The following CENPS variants were observed in gnomAD, a reference collection of about 807,000 sequenced individuals.
The protein encoded by CENPS is centromere protein S.
CENPS carries 16 observed loss-of-function variants against 17.9 expected under a neutral mutation model. That is an observed-to-expected ratio of 0.90 (90% confidence interval 0.61 to 1.36). The LOEUF (loss-of-function observed/expected upper bound fraction) is 1.36. Ranked by LOEUF, CENPS falls within the 40% of genes most tolerant of loss-of-function variation. The pLI is 0.00. For missense variants in CENPS, 160 were observed against 158.6 expected (o/e 1.01, Z -0.05); for synonymous variants, 49 against 55.8 (o/e 0.88, Z 0.54).
chr1:10,441,545 C>T (rs1357241387), intron 4 of CENPS, among the ~76,000 whole-genome samples: 1 of 150,738 alleles, frequency 6.6e-6, no homozygotes, highest in Non-Finnish European at 1.5e-5. Context: ...AACTCCTGGG[C>T]TCAAATGATC....
chr1:10,430,463 C>T lies in CENPS; in HGVS notation c.-55C>T. ...GCGGCGGGAAAATCCGACCTGGCCG[C>T]GCACCACCGCCCCTTCTCGGCCCTC... On this transcript the variant is annotated 5_prime_UTR_variant, in exon 1 of 5. Coordinates refer to ENST00000309048, the MANE Select transcript of CENPS (RefSeq NM_199294.3). 6.6e-7 allele frequency: 1 copy of T among 1,526,368 alleles called. No homozygotes were observed. The highest frequency in any genetic ancestry group is 2.0e-5 in the Admixed American group (1 of 48,942). The allele number at this position is 1,526,368 out of a possible 1,614,324, so 94.6% of individuals were successfully genotyped here.
In CENPS at chr1:10,434,671, G is replaced by A; in HGVS notation, c.190G>A (p.Asp64Asn). Residue 64 changes from aspartate (D) to asparagine (N), a missense_variant, in exon 3 of 5, where the codon GAC becomes AAC. Transcript: ENST00000309048. ...TFRQCENFAK[D>N]LEMFARHAKR... is the part of the protein sequence containing the mutation. ...TTCTCTTTCAGAAAATTTTGCCAAA[G>A]ACCTTGAAATGTTTGCAAGGTGGGT... is the stretch of plus-strand genomic sequence containing the variant. The A allele has an allele frequency of 6.2e-7, 1 of 1,607,108 alleles. No individual in the cohort carries two copies. The highest frequency in any genetic ancestry group is 8.5e-7 in the Non-Finnish European group (1 of 1,178,224).
Position 10,433,862 on chromosome 1 carries a change from C to T in CENPS, c.72C>T (p.His24=), listed in dbSNP as rs540291030. Residue 24 remains histidine, a synonymous_variant, in exon 2 of 5, where the codon CAC becomes CAT. Transcript: ENST00000309048. ...SYQQRLKAAV[H]YTVGCLCEEV... ...CCCAGAGGCTAAAGGCAGCAGTTCA[C>T]TATACTGTGGGTTGTCTTTGCGAGG... The T allele has an allele frequency of 6.2e-7, 1 of 1,614,204 alleles. No individual in the cohort carries two copies. Among genetic ancestry groups the T allele is most frequent in the Middle Eastern group, 1.6e-4 (1 of 6,062 alleles).
At position 10,435,710 on chromosome 1, in the gene CENPS, T is replaced by TACACACACAC. The variant is rs778086497; in HGVS notation, c.209+1021_209+1022insCACACACACA. ...TTTAAATACTTAAAAATAATATATA[T>TACACACACAC]ATATATACACACACACACACACACA... On this transcript the variant is annotated intron_variant, in intron 3 of 4. Coordinates refer to ENST00000309048, the MANE Select transcript of CENPS (RefSeq NM_199294.3). Among the ~76,000 whole-genome samples, 579 of 143,530 alleles carry TACACACACAC rather than the reference T, an allele frequency of 4.0e-3. 7 individuals carry two copies. Among genetic ancestry groups the TACACACACAC allele is most frequent in the African/African-American group, 0.014 (548 of 38,368 alleles). 94.2% of individuals were successfully genotyped at this position (143,530 alleles called of 152,430 possible).
At chr1:10,430,656 C>T (rs1017579802) in intron 1 of CENPS, 88 bp downstream of exon 1, 22 of 1,466,696 alleles carry the variant, frequency 1.5e-5, no homozygotes, top group Non-Finnish European at 1.9e-5. Context: ...CCGGCGGCTT[C>T]TCATCGGCAC....
intron 3 of CENPS, among the ~76,000 whole-genome samples, chr1:10,438,579 G>T (rs543191010): frequency 6.6e-6 from 1 of 152,176 alleles, no homozygotes; most frequent in Non-Finnish European, 1.5e-5. Flanking sequence ...TTTAAAGCCC[G>T]TGTTACAAAG....
intron 1 of CENPS, 149 bp from the exon 2 acceptor site, chr1:10,433,693 A>C (rs1300725591): frequency 2.1e-6 from 3 of 1,428,102 alleles, no homozygotes; most frequent in Non-Finnish European, 2.8e-6. Context: ...TCATTAACTT[A>C]TTAGTACACT....
intron 1 of CENPS, among the ~76,000 whole-genome samples, chr1:10,431,580 G>T (rs1639916178): frequency 6.6e-6 from 1 of 152,136 alleles, no homozygotes; most frequent in East Asian, 1.9e-4. Context: ...CATTGGCTGG[G>T]CGCGGTGGCT....
At chr1:10,437,483 G>T (rs1454685351) in intron 3 of CENPS, among the ~76,000 whole-genome samples, 1 of 63,060 alleles carries the variant, frequency 1.6e-5, no homozygotes, top group African/African-American at 5.7e-5. Flanking sequence ...TTTAGATGGA[G>T]TCTCACTCTG....
rs145815292 is a variant in CENPS, at chr1:10,432,751, C to T, written c.52-1091C>T. 6.6e-3 allele frequency among the ~76,000 whole-genome samples: 1,002 copies of T among 152,178 alleles called. 14 individuals carry two copies. Among genetic ancestry groups the T allele is most frequent in the African/African-American group, 0.023 (950 of 41,510 alleles). On this transcript the variant is annotated intron_variant, in intron 1 of 4. Coordinates refer to ENST00000309048, the MANE Select transcript of CENPS (RefSeq NM_199294.3). The stretch of plus-strand genomic sequence containing the variant: ...ATACCTAAAAAAGATGACCTTGAGC[C>T]GGGCAGGGTGTTGTGGGCCTGTAGT...
In CENPS at chr1:10,433,904, A is replaced by G. The variant is rs1640034496; in HGVS notation, c.114A>G (p.Lys38=). 1.2e-6 allele frequency: 2 copies of G among 1,614,124 alleles called. No individual in the cohort carries two copies. Among genetic ancestry groups the G allele is most frequent in the Non-Finnish European group, 1.7e-6 (2 of 1,180,044 alleles). ...TTTGCGAGGAAGTTGCATTGGACAA[A>G]GAGATGCAGTTCAGCAAACAGACCA... ...GCLCEEVALD[K]EMQFSKQTIA... is the part of the protein sequence containing the mutation. Residue 38 remains lysine, a synonymous_variant, in exon 2 of 5, where the codon AAA becomes AAG. Transcript: ENST00000309048.
intron 4 of CENPS, among the ~76,000 whole-genome samples, chr1:10,441,187 T>C (rs1327980452): frequency 6.6e-6 from 1 of 152,168 alleles, no homozygotes; most frequent in Non-Finnish European, 1.5e-5. Flanking sequence ...CAACTTTTTT[T>C]TTCTTTTTTT....
chr1:10,434,051 C>T (rs748333048), intron 2 of CENPS, 86 bp downstream of exon 2: 51 of 1,577,652 alleles, frequency 3.2e-5, no homozygotes, highest in Non-Finnish European at 4.3e-5. Context: ...GGAGCTGTGG[C>T]GAGTCTGACC....
chr1:10,436,779 G>A (rs750992429), intron 3 of CENPS, among the ~76,000 whole-genome samples: 39 of 151,816 alleles, frequency 2.6e-4, no homozygotes, highest in Middle Eastern at 3.2e-3. Context: ...CTGAGTGAGT[G>A]CAGAGTCCAG....
intron 1 of CENPS, among the ~76,000 whole-genome samples, chr1:10,431,556 T>C (rs535891526): frequency 6.6e-6 from 1 of 152,200 alleles, no homozygotes; most frequent in African/African-American, 2.4e-5. Context: ...AGTACACATC[T>C]CCCAAAAACA....
At position 10,436,012 on chromosome 1, in the gene CENPS, C is replaced by T. The variant is rs1396462679; in HGVS notation, c.209+1322C>T. On this transcript the variant is annotated intron_variant, in intron 3 of 4. Coordinates refer to ENST00000309048, the MANE Select transcript of CENPS (RefSeq NM_199294.3). ...TTTTTTTTTTGGAGACAGAGTCTCACTCTCGCCCAGGCGGGAGTGCAGTGG... is the reference window on the plus strand; with the variant it reads ...TTTTTTTTTTGGAGACAGAGTCTCATTCTCGCCCAGGCGGGAGTGCAGTGG... Among the ~76,000 whole-genome samples the T allele has an allele frequency of 5.4e-5, 8 of 149,042 alleles. No individual in the cohort carries two copies. In the East Asian group the frequency reaches 1.4e-3, roughly 26 times the overall value.
In CENPS at chr1:10,442,487, G is replaced by A; in HGVS notation, c.*82G>A. 2 of 1,400,106 alleles carry A rather than the reference G, an allele frequency of 1.4e-6. No individual in the cohort carries two copies. The highest frequency in any genetic ancestry group is 4.0e-5 in the South Asian group (2 of 49,518). The allele number at this position is 1,400,106 out of a possible 1,614,324, so 86.7% of individuals were successfully genotyped here. The stretch of plus-strand genomic sequence containing the variant: ...ATATGGCTGCAAAGGAAACTTTGAA[G>A]GGTTAAATAGAGATTTAAAAAAATA... On this transcript the variant is annotated 3_prime_UTR_variant, in exon 5 of 5. Transcript: ENST00000309048.
intron 1 of CENPS, 55 bp downstream of exon 1, chr1:10,430,623 GACAGAAAAGT>G (rs1639857617): frequency 1.3e-6 from 2 of 1,516,146 alleles, no homozygotes; most frequent in African/African-American, 1.4e-5. Flanking sequence ...CGAGTTTCTG[GACAGAAAAGT>G]ACCCGGCAGC....
chr1:10,434,417 C>T (rs985260930), intron 2 of CENPS, among the ~76,000 whole-genome samples: 8 of 152,104 alleles, frequency 5.3e-5, no homozygotes, highest in East Asian at 3.8e-4. Context: ...TCACAATTAA[C>T]GGAAGACTTG....
Sources: gnomAD v4.1 joint callset for allele counts (sites outside exome capture counted in the v4.1 genomes callset) on GRCh38, gnomAD v4.1.1 for gene constraint, MANE v1.5 for transcripts, NCBI Gene and HGNC (gene_info 2026-07-23, HGNC 2026-07-21) for gene names.